Variants in C16orf74 observed in about 807,000 individuals in gnomAD.
The protein encoded by C16orf74 is calcimembrin.
A neutral mutation model predicts 6.5 loss-of-function variants in C16orf74; 10 were observed. The ratio of observed to expected loss-of-function variants is 1.54; its 90% confidence interval spans 0.95 to 2.61. The LOEUF is 2.61. C16orf74 is among the 30% of genes most tolerant of loss of function. The probability of loss-of-function intolerance (pLI) is 0.00; values close to 1 mark genes in which losing one functional copy is unlikely to be tolerated. For synonymous variants in C16orf74, 60 were observed against 42.5 expected (o/e 1.41, Z -1.60); for missense variants, 141 against 105.9 (o/e 1.33, Z -1.45).
chr16:85,716,631 G>C (rs942014440), intron 2 of C16orf74, among the ~76,000 whole-genome samples: 9 of 148,756 alleles, frequency 6.1e-5, no homozygotes, highest in African/African-American at 2.2e-4. Context: ...AAGAGAGGAG[G>C]AGGAGGGAGC....
intron 1 of C16orf74, among the ~76,000 whole-genome samples, chr16:85,738,359 C>A (rs1381433856): frequency 6.7e-6 from 1 of 148,700 alleles, no homozygotes; most frequent in African/African-American, 2.5e-5. Flanking sequence ...GAGTCTCACT[C>A]TGTTGCCCAG....
intron 2 of C16orf74, 52 bp downstream of exon 2, chr16:85,735,138 C>A: frequency 6.4e-7 from 1 of 1,561,836 alleles, no homozygotes; most frequent in Non-Finnish European, 8.7e-7. Flanking sequence ...GCCCCCCAAC[C>A]CAGCACCCCC....
At chr16:85,711,432 C>A (rs1269878997) in intron 2 of C16orf74, among the ~76,000 whole-genome samples, 2 of 146,776 alleles carry the variant, frequency 1.4e-5, no homozygotes, top group African/African-American at 2.5e-5. Flanking sequence ...CTGACCAACA[C>A]GGAGAAACCC....
chr16:85,714,574 C>A (rs1383888843), intron 2 of C16orf74, among the ~76,000 whole-genome samples: 1 of 151,824 alleles, frequency 6.6e-6, no homozygotes, highest in Admixed American at 6.6e-5. Context: ...CGCCTGCCAC[C>A]ACACCCAGCT....
intron 1 of C16orf74, among the ~76,000 whole-genome samples, chr16:85,739,184 A>T (rs1347965164): frequency 6.6e-6 from 1 of 152,122 alleles, no homozygotes; most frequent in Non-Finnish European, 1.5e-5. Context: ...AGCCAGAGGG[A>T]AAGCTGCACA....
At chr16:85,739,715 G>A (rs2054282026) in intron 1 of C16orf74, among the ~76,000 whole-genome samples, 6 of 152,140 alleles carry the variant, frequency 3.9e-5, no homozygotes, top group South Asian at 2.1e-4. Context: ...TAGGAGGATC[G>A]CTTGAGCCTC....
chr16:85,729,181 G>A (rs372457989), intron 2 of C16orf74, among the ~76,000 whole-genome samples: 5 of 152,210 alleles, frequency 3.3e-5, no homozygotes, highest in African/African-American at 1.2e-4. Flanking sequence ...ATGTGGCCTT[G>A]AGCCAGTGAG....
At chr16:85,749,221 C>T (rs1277270207) in intron 1 of C16orf74, among the ~76,000 whole-genome samples, 1 of 152,168 alleles carries the variant, frequency 6.6e-6, no homozygotes, top group African/African-American at 2.4e-5. Context: ...ATTTTCCAGC[C>T]ATGTAACCTT....
chr16:85,734,757 G>C (rs1160086493), intron 2 of C16orf74, among the ~76,000 whole-genome samples: 1 of 152,196 alleles, frequency 6.6e-6, no homozygotes, highest in Non-Finnish European at 1.5e-5. Flanking sequence ...CAGTGGTTTT[G>C]TGTCCTTCTA....
intron 1 of C16orf74, among the ~76,000 whole-genome samples, chr16:85,744,553 A>G (rs1013938119): frequency 3.3e-5 from 5 of 152,156 alleles, no homozygotes; most frequent in Admixed American, 2.0e-4. Context: ...GTCAGCAGCC[A>G]GATGCGGTGG....
chr16:85,711,587 C>T (rs980897461), intron 2 of C16orf74, among the ~76,000 whole-genome samples: 2 of 145,274 alleles, frequency 1.4e-5, no homozygotes, highest in African/African-American at 5.2e-5. Flanking sequence ...TGTGCCATTG[C>T]ACTCCAGCCT....
At chr16:85,727,117 T>C (rs2054141812) in intron 2 of C16orf74, among the ~76,000 whole-genome samples, 2 of 152,230 alleles carry the variant, frequency 1.3e-5, no homozygotes, top group Admixed American at 6.5e-5. Flanking sequence ...CAGCGCCCAG[T>C]GCACGGTAGG....
intron 2 of C16orf74, among the ~76,000 whole-genome samples, chr16:85,719,559 G>A (rs767966155): frequency 4.6e-5 from 7 of 152,100 alleles, no homozygotes; most frequent in Admixed American, 6.5e-5. Flanking sequence ...GCCTGTTTGC[G>A]CACAGCCTGT....
In C16orf74 at chr16:85,728,265, G is replaced by A. The variant is rs115162730; in HGVS notation, c.28+6925C>T. 7.7e-3 allele frequency among the ~76,000 whole-genome samples: 1,168 copies of A among 152,262 alleles called. 10 individuals carry two copies. The highest frequency in any genetic ancestry group is 0.026 in the African/African-American group (1,094 of 41,536). On this transcript the variant is annotated intron_variant, in intron 2 of 3. Coordinates refer to ENST00000284245, the MANE Select transcript of C16orf74 (RefSeq NM_206967.3). ...GTGAGTGTAAGTTGTTCATAACAGC[G>A]GAATCTGGTGTGGGGTGTGTGGGAA...
chr16:85,748,342 G>A (rs926864846), intron 1 of C16orf74, among the ~76,000 whole-genome samples: 1 of 152,038 alleles, frequency 6.6e-6, no homozygotes, highest in African/African-American at 2.4e-5. Context: ...GCTCACGCCT[G>A]TAATTCCAGC....
At chr16:85,734,495 C>T (rs1056453766) in intron 2 of C16orf74, among the ~76,000 whole-genome samples, 1 of 152,020 alleles carries the variant, frequency 6.6e-6, no homozygotes, top group Non-Finnish European at 1.5e-5. Flanking sequence ...GGCACTCACA[C>T]CACTGGCCAT....
chr16:85,742,485 G>A (rs952074789), intron 1 of C16orf74, among the ~76,000 whole-genome samples: 2 of 152,184 alleles, frequency 1.3e-5, no homozygotes, highest in Non-Finnish European at 2.9e-5. Flanking sequence ...AGCAGCCTGA[G>A]GCCCTCACCA....
chr16:85,720,091 TG>T (rs1269574461), intron 2 of C16orf74, among the ~76,000 whole-genome samples: 7 of 151,446 alleles, frequency 4.6e-5, no homozygotes, highest in Admixed American at 4.6e-4. Context: ...GAAAGCTTTG[TG>T]TTATTATGGA....
intron 1 of C16orf74, among the ~76,000 whole-genome samples, chr16:85,749,038 C>G (rs944892100): frequency 6.6e-6 from 1 of 151,700 alleles, no homozygotes; most frequent in African/African-American, 2.4e-5. Flanking sequence ...GCCTCACCCT[C>G]CCAAAGCACT....
Sources: allele counts gnomAD v4.1 joint callset (sites outside exome capture counted in the v4.1 genomes callset), GRCh38; gene constraint gnomAD v4.1.1; transcripts MANE v1.5; gene names NCBI Gene and HGNC (gene_info 2026-07-23, HGNC 2026-07-21).